CUX2: variants seen among roughly 807,000 people sequenced by gnomAD.
The protein encoded by CUX2 is cut like homeobox 2.
In CUX2, 40 loss-of-function variants were observed where a neutral mutation model predicts 144.8. The ratio of observed to expected loss-of-function variants is 0.28; its 90% CI spans 0.21 to 0.36. CUX2 has a LOEUF of 0.36. CUX2 is among the 10% of genes least tolerant of loss of function. The probability of loss-of-function intolerance (pLI) is 1.00; values close to 1 mark genes in which losing one functional copy is unlikely to be tolerated. For synonymous variants in CUX2, 827 were observed against 875.6 expected (o/e 0.94, Z 0.98); for missense variants, 1,615 against 1,994.0 (o/e 0.81, Z 3.62).
rs190225966 is a variant in CUX2, at chr12:111,041,504, C to T, written c.63+7264C>T. Among the ~76,000 whole-genome samples, 19 of 152,286 alleles carry T rather than the reference C, an allele frequency of 1.2e-4. No homozygotes were observed. In the East Asian group the frequency reaches 3.3e-3, roughly 26 times the overall value. ...GAGTTCTGACCACAGAAATTGCAGACGGGGAGCTATGTCTGGCCCATGGAT... is the reference window on the plus strand; with the variant it reads ...GAGTTCTGACCACAGAAATTGCAGATGGGGAGCTATGTCTGGCCCATGGAT... On this transcript the variant is annotated intron_variant, in intron 1 of 21. Coordinates refer to ENST00000261726, the MANE Select transcript of CUX2 (RefSeq NM_015267.4).
chr12:111,035,098 ACT>A lies in CUX2; in HGVS notation c.63+860_63+861del, dbSNP rs1345496965. Among the ~76,000 whole-genome samples, 1 of 151,750 alleles carries A rather than the reference ACT, an allele frequency of 6.6e-6. No individual in the cohort carries two copies. The highest frequency in any genetic ancestry group is 1.5e-5 in the Non-Finnish European group (1 of 67,924). ...AGCCGGGAGCGGCGCAGAGCAGGTG[ACT>A]CCCAGCCCTCGGGCCCAAGGGAACT... On this transcript the variant is annotated intron_variant, in intron 1 of 21. Transcript: ENST00000261726. The surrounding 1 kb of genome is among the most constrained non-coding windows in gnomAD (Gnocchi z 6.0).
chr12:111,268,640 C>T (rs567464718), intron 4 of CUX2, among the ~76,000 whole-genome samples: 1 of 152,350 alleles, frequency 6.6e-6, no homozygotes, highest in South Asian at 2.1e-4. Flanking sequence ...GGCACGAGGC[C>T]GAGACAGCCC....
chr12:111,310,341 C>G lies in CUX2; in HGVS notation c.1559C>G (p.Pro520Arg). ...TATGGCGCCAAGCCCCCCACAGCCCCTGCCACCCCGGCCCCTGGCCCTGAG... is the reference window on the plus strand; with the variant it reads ...TATGGCGCCAAGCCCCCCACAGCCCGTGCCACCCCGGCCCCTGGCCCTGAG... ...AFYGAKPPTA[P>R]ATPAPGPEPL... is the part of the protein sequence containing the mutation. The change falls in exon 15 of 22, where the codon CCT becomes CGT. Residue 520 changes from proline (P) to arginine (R), a missense_variant. Pro to Arg is a moderately radical substitution (Grantham distance 103). Around this residue, in one of 12 missense-constraint regions of CUX2, gnomAD observed 154 missense variants for 148.4 expected, o/e 1.04. Coordinates refer to ENST00000261726, the MANE Select transcript of CUX2 (RefSeq NM_015267.4). The surrounding 1 kb of genome is among the most constrained non-coding windows in gnomAD (Gnocchi z 7.9). The G allele has an allele frequency of 6.5e-7, 1 of 1,544,346 alleles. No homozygotes were observed. Among genetic ancestry groups the G allele is most frequent in the Non-Finnish European group, 8.8e-7 (1 of 1,142,084 alleles).
chr12:111,065,432 T>C (rs1870979202), intron 1 of CUX2, among the ~76,000 whole-genome samples: 1 of 152,056 alleles, frequency 6.6e-6, no homozygotes, highest in Admixed American at 6.5e-5. Flanking sequence ...CTCTCCTGAG[T>C]TCAAGCAATT....
intron 1 of CUX2, among the ~76,000 whole-genome samples, chr12:111,152,780 G>T (rs942972808): frequency 6.6e-6 from 1 of 152,244 alleles, no homozygotes; most frequent in African/African-American, 2.4e-5. Context: ...TTGGATGTGC[G>T]TGGGGGACGG....
intron 4 of CUX2, among the ~76,000 whole-genome samples, chr12:111,279,186 G>A (rs1034685075): frequency 1.3e-5 from 2 of 152,156 alleles, no homozygotes; most frequent in Non-Finnish European, 2.9e-5. Context: ...GAGGACCAGT[G>A]CCTAGGAACT....
chr12:111,249,437 C>CTTTT (rs1359905002), intron 3 of CUX2, among the ~76,000 whole-genome samples: 19 of 101,196 alleles, frequency 1.9e-4, no homozygotes, highest in South Asian at 2.8e-4. Flanking sequence ...TTAATAGACC[C>CTTTT]TTTTTTTGTT....
At chr12:111,137,979 T>A (rs1285558032) in intron 1 of CUX2, among the ~76,000 whole-genome samples, 2 of 152,242 alleles carry the variant, frequency 1.3e-5, no homozygotes, top group African/African-American at 4.8e-5. Context: ...GGCAAGTGTC[T>A]TAACCTCTCT....
chr12:111,130,302 T>C (rs1335421142), intron 1 of CUX2, among the ~76,000 whole-genome samples: 1 of 152,226 alleles, frequency 6.6e-6, no homozygotes, highest in Non-Finnish European at 1.5e-5. Context: ...TCCCTTGATC[T>C]AGAACTTTAC....
chr12:111,100,103 C>T (rs1273125194), intron 1 of CUX2: 1 of 455,946 alleles, frequency 2.2e-6, no homozygotes, highest in Non-Finnish European at 4.4e-6. Flanking sequence ...GGAGAGGAGG[C>T]AGGAGCTGCC....
At chr12:111,332,761 G>T (rs148120074) in intron 18 of CUX2, among the ~76,000 whole-genome samples, 115 of 152,274 alleles carry the variant, frequency 7.6e-4, no homozygotes, top group Middle Eastern at 3.4e-3. Context: ...TTGACATCTT[G>T]TCCCTTTAGC....
At chr12:111,200,690 T>C (rs1388792406) in intron 1 of CUX2, among the ~76,000 whole-genome samples, 1 of 152,152 alleles carries the variant, frequency 6.6e-6, no homozygotes, top group African/African-American at 2.4e-5. Context: ...AGCCATGATG[T>C]ACGTATAGGA....
At chr12:111,159,065 C>A (rs1011460843) in intron 1 of CUX2, among the ~76,000 whole-genome samples, 1 of 152,190 alleles carries the variant, frequency 6.6e-6, no homozygotes, top group Non-Finnish European at 1.5e-5. Flanking sequence ...AGCTGGTGTT[C>A]CGATCCCTCA....
chr12:111,125,255 C>T (rs1008681270), intron 1 of CUX2, among the ~76,000 whole-genome samples: 8 of 151,680 alleles, frequency 5.3e-5, no homozygotes, highest in African/African-American at 1.7e-4. Flanking sequence ...TCTCAGCTCA[C>T]TGCAACCTCC....
intron 1 of CUX2, among the ~76,000 whole-genome samples, chr12:111,036,611 G>C (rs1869462205): frequency 6.6e-6 from 1 of 151,626 alleles, no homozygotes; most frequent in Non-Finnish European, 1.5e-5. Flanking sequence ...AGACCTCCCA[G>C]CCTACAGGGT....
Position 111,127,075 on chromosome 12 carries a change from G to A in CUX2, c.64-87125G>A, listed in dbSNP as rs140766226. ...ATGTTACCTAATAAGGGAATGAGAA[G>A]AAAGAAAACAAAGATAATTGCTTAA... On this transcript the variant is annotated intron_variant, in intron 1 of 21. Coordinates refer to ENST00000261726, the MANE Select transcript of CUX2 (RefSeq NM_015267.4). 3.4e-3 allele frequency among the ~76,000 whole-genome samples: 515 copies of A among 152,278 alleles called. 1 individual carries two copies. Among genetic ancestry groups the A allele is most frequent in the South Asian group, 6.6e-3 (32 of 4,820 alleles).
At position 111,240,519 on chromosome 12, in the gene CUX2, G is replaced by A. The variant is rs531869217; in HGVS notation, c.222+22582G>A. On this transcript the variant is annotated intron_variant, in intron 3 of 21. Coordinates refer to ENST00000261726, the MANE Select transcript of CUX2 (RefSeq NM_015267.4). ...CGAGTTAATGAGTATCACCGGTCTA[G>A]CCTGAGATCAGTGTCAGCCCCTGGT... 5.3e-5 allele frequency among the ~76,000 whole-genome samples: 8 copies of A among 152,336 alleles called. No homozygotes were observed. In the South Asian group the frequency reaches 1.4e-3, roughly 28 times the overall value.
At position 111,283,173 on chromosome 12, in the gene CUX2, G is replaced by A. The variant is rs1423526371; in HGVS notation, c.302-8245G>A. 5.3e-5 allele frequency among the ~76,000 whole-genome samples: 8 copies of A among 151,906 alleles called. No individual in the cohort carries two copies. In the South Asian group the frequency reaches 1.7e-3, roughly 32 times the overall value. ...GCAGAGGTTGCAGTGAGCCAAGATC[G>A]CGCCACTGTACTCCAGCCTGGGTGA... is the stretch of plus-strand genomic sequence containing the variant. On this transcript the variant is annotated intron_variant, in intron 4 of 21. Coordinates refer to ENST00000261726, the MANE Select transcript of CUX2 (RefSeq NM_015267.4).
intron 1 of CUX2, among the ~76,000 whole-genome samples, chr12:111,108,205 A>G (rs562242567): frequency 6.6e-6 from 1 of 152,326 alleles, no homozygotes; most frequent in South Asian, 2.1e-4. Context: ...ATTTTGGGCT[A>G]CAGGAGTGAT....
Sources: allele counts gnomAD v4.1 joint callset (sites outside exome capture counted in the v4.1 genomes callset), GRCh38; gene constraint gnomAD v4.1.1; regional missense constraint gnomAD v4.1.1; non-coding constraint Gnocchi (gnomAD v3.1); transcripts MANE v1.5; gene names NCBI Gene and HGNC (gene_info 2026-07-23, HGNC 2026-07-21).